PKIB: variants seen among roughly 807,000 people sequenced by gnomAD.
PKIB encodes the protein PKI-beta.
A neutral mutation model predicts 4.5 loss-of-function variants in PKIB; 2 were observed. The ratio of observed to expected loss-of-function variants is 0.44; its 90% CI spans 0.18 to 1.39. PKIB has a LOEUF of 1.39. Among genes scored for constraint, PKIB ranks in the 40% most tolerant of loss-of-function variants. PKIB has a pLI of 0.27. For missense variants in PKIB, 94 were observed against 92.6 expected (o/e 1.02, Z -0.06); for synonymous variants, 38 against 36.0 (o/e 1.06, Z -0.20).
intron 1 of PKIB, among the ~76,000 whole-genome samples, chr6:122,474,139 A>C (rs1032013300): frequency 6.6e-6 from 1 of 152,176 alleles, no homozygotes; most frequent in African/African-American, 2.4e-5. Context: ...GTCTCAAAAC[A>C]AACAAACAAA....
chr6:122,575,342 G>T (rs535560177), intron 2 of PKIB, among the ~76,000 whole-genome samples: 1 of 152,070 alleles, frequency 6.6e-6, no homozygotes, highest in African/African-American at 2.4e-5. Flanking sequence ...AAACAGTATG[G>T]AGATTCCTTA....
intron 4 of PKIB, among the ~76,000 whole-genome samples, chr6:122,719,632 C>A (rs1779641605): frequency 6.6e-6 from 1 of 151,510 alleles, no homozygotes. Context: ...TCTATTGTAG[C>A]AACATGATGA....
At chr6:122,522,953 TC>T (rs1554217438) in intron 2 of PKIB, among the ~76,000 whole-genome samples, 1 of 152,148 alleles carries the variant, frequency 6.6e-6, no homozygotes, top group Admixed American at 6.5e-5. Flanking sequence ...ATTTACTTTT[TC>T]CCCCAATTTG....
chr6:122,619,159 G>A (rs987138918), intron 1 of PKIB, among the ~76,000 whole-genome samples: 11 of 151,476 alleles, frequency 7.3e-5, no homozygotes, highest in Non-Finnish European at 1.2e-4. Context: ...AATTTTAAAT[G>A]TTTTCTTTTT....
chr6:122,515,843 G>A (rs1365064823), intron 2 of PKIB, among the ~76,000 whole-genome samples: 1 of 152,102 alleles, frequency 6.6e-6, no homozygotes, highest in Non-Finnish European at 1.5e-5. Flanking sequence ...AGCCTCCCGG[G>A]TAGCTGGGAC....
intron 2 of PKIB, among the ~76,000 whole-genome samples, chr6:122,576,708 A>ATTTTT (rs1260230833): frequency 1.7e-4 from 19 of 113,968 alleles, no homozygotes; most frequent in African/African-American, 7.4e-4. Context: ...ATATATATAT[A>ATTTTT]TATTTTCTTT....
intron 4 of PKIB, among the ~76,000 whole-genome samples, chr6:122,719,388 G>A (rs7453186): frequency 0.99 from 150,106 of 152,290 alleles, 74,010 homozygotes; most frequent in Middle Eastern, 1. Context: ...AAATGTTAAA[G>A]ATGAATTTAC....
rs868401492 is a variant in PKIB at position 122,610,772 on chromosome 6, T to C, written c.-161+237T>C. On this transcript the variant is annotated intron_variant, in intron 1 of 4. Coordinates refer to ENST00000368452, the MANE Select transcript of PKIB (RefSeq NM_181795.3). ...GGTACTTAGAGAGTGAAAAGGACGC[T>C]CACGCCAACAGGCGTGACGTGGGAG... is the stretch of plus-strand genomic sequence containing the variant. Among the ~76,000 whole-genome samples, 8 of 152,352 alleles carry C rather than the reference T, an allele frequency of 5.3e-5. No homozygotes were observed. The South Asian group carries it at 6.2e-4, about 12-fold the overall frequency.
intron 2 of PKIB, among the ~76,000 whole-genome samples, chr6:122,674,434 C>T (rs1254208720): frequency 6.6e-6 from 1 of 152,114 alleles, no homozygotes; most frequent in East Asian, 1.9e-4. Flanking sequence ...GGCTAATGTG[C>T]ATACCGACGG....
chr6:122,659,893 A>C (rs1189562070), intron 2 of PKIB, among the ~76,000 whole-genome samples: 2 of 152,188 alleles, frequency 1.3e-5, no homozygotes, highest in East Asian at 3.9e-4. Flanking sequence ...AAAAACAAGG[A>C]ACTTTTATGT....
chr6:122,660,523 G>T (rs1283754805), intron 2 of PKIB, among the ~76,000 whole-genome samples: 5 of 152,116 alleles, frequency 3.3e-5, no homozygotes. Flanking sequence ...GGATCTCAGG[G>T]CTGAGAAGGC....
intron 2 of PKIB, among the ~76,000 whole-genome samples, chr6:122,509,409 A>T (rs374264613): frequency 5.3e-5 from 8 of 151,942 alleles, no homozygotes; most frequent in Non-Finnish European, 2.9e-5. Context: ...AACAATTTGT[A>T]TATGAGCCTG....
intron 3 of PKIB, among the ~76,000 whole-genome samples, chr6:122,707,198 A>T (rs1481350380): frequency 6.6e-6 from 1 of 151,724 alleles, no homozygotes; most frequent in East Asian, 1.9e-4. Context: ...TTTGGTTGGG[A>T]TTTTTTTTCC....
chr6:122,669,611 G>T (rs1163431059), intron 2 of PKIB, among the ~76,000 whole-genome samples: 1 of 151,994 alleles, frequency 6.6e-6, no homozygotes, highest in Non-Finnish European at 1.5e-5. Context: ...CAAAATTGCT[G>T]ACATTTCTAT....
intron 2 of PKIB, among the ~76,000 whole-genome samples, chr6:122,576,497 T>C (rs1773533856): frequency 6.6e-6 from 1 of 150,948 alleles, no homozygotes; most frequent in African/African-American, 2.4e-5. Context: ...TGAAACCCCG[T>C]TTCTACTAAA....
At chr6:122,497,156 C>A (rs1160972648) in intron 2 of PKIB, among the ~76,000 whole-genome samples, 1 of 152,132 alleles carries the variant, frequency 6.6e-6, no homozygotes, top group Non-Finnish European at 1.5e-5. Context: ...TAAATAAAAT[C>A]TTGTTCAGAC....
At chr6:122,580,938 C>T (rs1773684974) in intron 2 of PKIB, among the ~76,000 whole-genome samples, 1 of 152,036 alleles carries the variant, frequency 6.6e-6, no homozygotes, top group African/African-American at 2.4e-5. Flanking sequence ...CAGTCATTAT[C>T]ATCAATTCTT....
chr6:122,555,735 TTTC>T (rs1772817303), intron 2 of PKIB, among the ~76,000 whole-genome samples: 1 of 152,230 alleles, frequency 6.6e-6, no homozygotes, highest in Non-Finnish European at 1.5e-5. Flanking sequence ...AGTGTTCTGC[TTTC>T]TTTCAAAACA....
intron 3 of PKIB, among the ~76,000 whole-genome samples, chr6:122,677,059 T>C (rs1328867665): frequency 2.0e-5 from 3 of 152,210 alleles, no homozygotes; most frequent in East Asian, 1.9e-4. Flanking sequence ...ATGGATGATA[T>C]TGGTATTTGT....
Sources: allele counts gnomAD v4.1 joint callset (sites outside exome capture counted in the v4.1 genomes callset), GRCh38; gene constraint gnomAD v4.1.1; transcripts MANE v1.5; gene names NCBI Gene and HGNC (gene_info 2026-07-23, HGNC 2026-07-21).